HSPA12A: variants seen among roughly 807,000 people sequenced by gnomAD.
HSPA12A encodes heat shock protein family A (Hsp70) member 12A, also known as heat shock 70 kDa protein 12A.
A neutral mutation model predicts 69.2 loss-of-function variants in HSPA12A; 28 were observed. The ratio of observed to expected loss-of-function variants is 0.40; its 90% confidence interval spans 0.30 to 0.55. The LOEUF is 0.55. Among genes scored for constraint, HSPA12A ranks in the 20% least tolerant of loss-of-function variants. The pLI, the probability that HSPA12A is intolerant of heterozygous loss-of-function variation, is 0.38. For missense variants in HSPA12A, 686 were observed against 900.7 expected (o/e 0.76, Z 3.05); for synonymous variants, 345 against 370.5 (o/e 0.93, Z 0.79).
intron 5 of HSPA12A, among the ~76,000 whole-genome samples, chr10:116,692,682 G>A (rs919669837): frequency 2.6e-5 from 4 of 152,310 alleles, no homozygotes; most frequent in South Asian, 2.1e-4. Flanking sequence ...GAATGGGACC[G>A]TGGGCTGGAG....
intron 1 of HSPA12A, among the ~76,000 whole-genome samples, chr10:116,725,796 C>T (rs1362797946): frequency 1.3e-5 from 2 of 152,074 alleles, no homozygotes; most frequent in African/African-American, 4.8e-5. Context: ...TCTGCCTCAT[C>T]GCTAATATTT....
At chr10:116,742,200 G>A (rs918044631) in intron 1 of HSPA12A, among the ~76,000 whole-genome samples, 2 of 152,020 alleles carry the variant, frequency 1.3e-5, no homozygotes, top group South Asian at 4.1e-4. Flanking sequence ...CGCGGAGTCC[G>A]CACCCTGGCG....
intron 10 of HSPA12A, 39 bp downstream of exon 10, chr10:116,679,464 C>A: frequency 1.2e-6 from 2 of 1,604,808 alleles, no homozygotes; most frequent in Non-Finnish European, 1.7e-6. Flanking sequence ...GATCCACCCG[C>A]TAGAATGTCC....
chr10:116,818,420 T>G (rs917147310), intron 2 of HSPA12A, among the ~76,000 whole-genome samples: 2 of 150,386 alleles, frequency 1.3e-5, no homozygotes, highest in Non-Finnish European at 3.0e-5. Context: ...ATGGCAGTGA[T>G]GTATGGAAGG....
At chr10:116,774,869 T>G (rs1160155204) in intron 2 of HSPA12A, among the ~76,000 whole-genome samples, 1 of 152,184 alleles carries the variant, frequency 6.6e-6, no homozygotes, top group Non-Finnish European at 1.5e-5. Flanking sequence ...TGCCGGCTCC[T>G]GCACCAGCCC....
intron 1 of HSPA12A, among the ~76,000 whole-genome samples, chr10:116,726,027 GCACACACACACACACACA>G (rs71013613): frequency 6.8e-6 from 1 of 146,114 alleles, no homozygotes; most frequent in Non-Finnish European, 1.5e-5. Flanking sequence ...ACACACACAC[GCACACACACACACACACA>G]CACACACACA....
At chr10:116,726,027 G>GCACACGCACACACA (rs1554884974) in intron 1 of HSPA12A, among the ~76,000 whole-genome samples, 6 of 146,114 alleles carry the variant, frequency 4.1e-5, no homozygotes, top group Non-Finnish European at 8.9e-5. Flanking sequence ...ACACACACAC[G>GCACACGCACACACA]CACACACACA....
intron 6 of HSPA12A, among the ~76,000 whole-genome samples, chr10:116,690,059 C>T (rs940367909): frequency 6.6e-6 from 1 of 152,186 alleles, no homozygotes. Context: ...AATTAATCAT[C>T]ACAGGTACAT....
chr10:116,836,722 C>T lies in HSPA12A; in HGVS notation c.4-1700G>A, dbSNP rs544061659. ...ATTTTTAAGACACAGAATTTCTTCC[C>T]TGCTATATGGTATGATTTTAGTGTA... On this transcript the variant is annotated intron_variant, in intron 1 of 12. Transcript: ENST00000635765. Among the ~76,000 whole-genome samples, 7 of 151,968 alleles carry T rather than the reference C, an allele frequency of 4.6e-5. No individual in the cohort carries two copies. In the South Asian group the frequency reaches 1.5e-3, roughly 32 times the overall value.
intron 2 of HSPA12A, among the ~76,000 whole-genome samples, chr10:116,833,815 TTTTTG>T (rs995897861): frequency 3.3e-5 from 5 of 152,186 alleles, no homozygotes; most frequent in Non-Finnish European, 7.3e-5. Flanking sequence ...GTTTTCTGGG[TTTTTG>T]TTTTGTTTTA....
intron 2 of HSPA12A, among the ~76,000 whole-genome samples, chr10:116,827,874 C>G (rs1845539560): frequency 6.6e-6 from 1 of 152,182 alleles, no homozygotes; most frequent in African/African-American, 2.4e-5. Flanking sequence ...ACGGTGGAAG[C>G]CAAGTTGCGA....
intron 2 of HSPA12A, among the ~76,000 whole-genome samples, chr10:116,806,416 A>G (rs1331012691): frequency 1.3e-5 from 2 of 152,230 alleles, no homozygotes; most frequent in South Asian, 4.2e-4. Context: ...TATGTTGCCC[A>G]GGCTGGTCTG....
chr10:116,763,925 C>T (rs572319671), intron 2 of HSPA12A, among the ~76,000 whole-genome samples: 19 of 152,152 alleles, frequency 1.2e-4, no homozygotes, highest in Non-Finnish European at 2.4e-4. Flanking sequence ...AATGTAGACA[C>T]TGATAGGACC....
chr10:116,746,825 T>C (rs978306567), upstream of HSPA12A, among the ~76,000 whole-genome samples: 1 of 152,220 alleles, frequency 6.6e-6, no homozygotes, highest in Non-Finnish European at 1.5e-5. Flanking sequence ...TAATTTTTCT[T>C]TTATGTTTTT....
intron 2 of HSPA12A, among the ~76,000 whole-genome samples, chr10:116,799,204 C>T (rs1403356467): frequency 6.6e-6 from 1 of 152,192 alleles, no homozygotes; most frequent in African/African-American, 2.4e-5. Context: ...CCCATCTTCA[C>T]TACCCCTCAC....
At chr10:116,696,861 C>T (rs1665508426) in intron 5 of HSPA12A, among the ~76,000 whole-genome samples, 5 of 152,080 alleles carry the variant, frequency 3.3e-5, no homozygotes, top group Admixed American at 3.3e-4. Context: ...TGTGCCATTC[C>T]ACCAGCTTGA....
rs1301615502 is a variant in HSPA12A at position 116,710,911 on chromosome 10, C to T, written c.41-3626G>A. On this transcript the variant is annotated intron_variant, in intron 1 of 11. Transcript: ENST00000369209. This position sits in a 1 kb window ranked among gnomAD's most constrained non-coding sequence, Gnocchi z 4.1. The stretch of plus-strand genomic sequence containing the variant: ...TCAAAAATTCTCAGGGGAAAAAAAA[C>T]GGAAAAGCCTATCTCACCCCCTGAG... 5.9e-5 allele frequency among the ~76,000 whole-genome samples: 9 copies of T among 152,062 alleles called. No individual in the cohort carries two copies. The highest frequency in any genetic ancestry group is 1.0e-4 in the Non-Finnish European group (7 of 68,012).
At chr10:116,751,393 T>G (rs1554888346) in intron 2 of HSPA12A, 1 of 153,104 alleles carries the variant, frequency 6.5e-6, no homozygotes, top group African/African-American at 2.4e-5. Flanking sequence ...CATAATGCAA[T>G]GTACATTTTG....
chr10:116,742,637 G>A, upstream of HSPA12A: 1 of 1,007,246 alleles, frequency 9.9e-7, no homozygotes, highest in Non-Finnish European at 1.2e-6. Context: ...CCCGGGCCCC[G>A]CCCCGGCCCG....
Sources: gnomAD v4.1 joint callset for allele counts (sites outside exome capture counted in the v4.1 genomes callset) on GRCh38, gnomAD v4.1.1 for gene constraint, Gnocchi (gnomAD v3.1) non-coding constraint, MANE v1.5 for transcripts, NCBI Gene and HGNC (gene_info 2026-07-23, HGNC 2026-07-21) for gene names.